CRTAC1: variants seen among roughly 807,000 people sequenced by gnomAD.
The protein encoded by CRTAC1 is acidic secreted protein in cartilage.
CRTAC1 carries 37 observed loss-of-function variants against 67.8 expected under a neutral mutation model. That is an observed-to-expected ratio of 0.55 (90% CI 0.42 to 0.72). The LOEUF is 0.72. Among genes scored for constraint, CRTAC1 ranks in the 30% least tolerant of loss-of-function variants. The pLI is 0.00. For synonymous variants in CRTAC1, 348 were observed against 371.0 expected (o/e 0.94, Z 0.71); for missense variants, 780 against 931.6 (o/e 0.84, Z 2.12).
rs374801951 is a variant in CRTAC1, at chr10:97,955,274, G to A, written c.225-18908C>T. 5.9e-5 allele frequency among the ~76,000 whole-genome samples: 9 copies of A among 152,362 alleles called. No homozygotes were observed. The East Asian group carries it at 9.6e-4, about 16-fold the overall frequency. ...GTCCTCAAGAACCCTGAGTAGAAGA[G>A]GGGGAGAAAGAGACGGGCTCTGGGC... On this transcript the variant is annotated intron_variant, in intron 2 of 14. Coordinates refer to ENST00000370597, the MANE Select transcript of CRTAC1 (RefSeq NM_018058.7).
chr10:97,942,403 T>A (rs2051189249), intron 2 of CRTAC1, among the ~76,000 whole-genome samples: 1 of 152,146 alleles, frequency 6.6e-6, no homozygotes, highest in Admixed American at 6.5e-5. Flanking sequence ...TTTCATCAAT[T>A]CCCAAAATAT....
At chr10:97,890,781 C>T (rs2050359414) in intron 11 of CRTAC1, among the ~76,000 whole-genome samples, 1 of 151,962 alleles carries the variant, frequency 6.6e-6, no homozygotes, top group Non-Finnish European at 1.5e-5. Context: ...GACTCTCCTG[C>T]CTCAGCCTCC....
rs1280400545 is a variant in CRTAC1 at position 97,865,641 on chromosome 10, G to A, written c.1893C>T (p.Ala631=). 1.2e-5 allele frequency: 20 copies of A among 1,612,130 alleles called. No homozygotes were observed. The highest frequency in any genetic ancestry group is 1.2e-4 in the African/African-American group (9 of 74,896). ...TAAAATAAAA[A]AAGAATAAPV... ...GTGCAGCAGTGGCAGCTCCAGCAGC[G>A]GCAGCAGCAGCGGCAGTGGCAGCAG... The change falls in exon 15 of 15, where the codon GCC becomes GCT. Residue 631 remains alanine, a synonymous_variant. Transcript: ENST00000370597.
intron 2 of CRTAC1, among the ~76,000 whole-genome samples, chr10:97,984,017 T>C (rs2147878): frequency 0.26 from 39,942 of 152,184 alleles, 5,539 homozygotes; most frequent in Non-Finnish European, 0.31. Flanking sequence ...ACATGTTCTC[T>C]TATTTTAGAT....
At chr10:97,943,198 A>G (rs1315795603) in intron 2 of CRTAC1, among the ~76,000 whole-genome samples, 1 of 152,258 alleles carries the variant, frequency 6.6e-6, no homozygotes, top group Non-Finnish European at 1.5e-5. Flanking sequence ...GACCAGAGAC[A>G]CATGGAATAT....
At chr10:97,971,835 A>G (rs993293057) in intron 2 of CRTAC1, among the ~76,000 whole-genome samples, 2 of 152,200 alleles carry the variant, frequency 1.3e-5, no homozygotes, top group East Asian at 3.8e-4. Flanking sequence ...CTTGAGGTGT[A>G]CATTTATCTG....
At chr10:98,028,375 C>A (rs776630357) in intron 1 of CRTAC1, among the ~76,000 whole-genome samples, 1 of 152,204 alleles carries the variant, frequency 6.6e-6, no homozygotes, top group Non-Finnish European at 1.5e-5. Context: ...CCCTACTGGA[C>A]ACCAAGGAGT....
At chr10:97,919,881 A>G (rs889482702) in intron 4 of CRTAC1, among the ~76,000 whole-genome samples, 4 of 149,662 alleles carry the variant, frequency 2.7e-5, no homozygotes, top group African/African-American at 9.9e-5. Flanking sequence ...CTGGGACTAC[A>G]GGTGTGCCCC....
At chr10:97,915,555 G>A (rs1037171087) in intron 5 of CRTAC1, among the ~76,000 whole-genome samples, 8 of 151,996 alleles carry the variant, frequency 5.3e-5, no homozygotes, top group South Asian at 2.1e-4. Flanking sequence ...CTGGCCACGC[G>A]CCCAAAGCCT....
intron 4 of CRTAC1, among the ~76,000 whole-genome samples, chr10:97,919,961 C>G (rs2050814564): frequency 6.6e-6 from 1 of 151,796 alleles, no homozygotes; most frequent in Non-Finnish European, 1.5e-5. Context: ...ATTGCTGAGG[C>G]TGGTCTTGAA....
chr10:98,022,882 G>A lies in CRTAC1; in HGVS notation c.24+7567C>T, dbSNP rs565556725. Among the ~76,000 whole-genome samples the A allele has an allele frequency of 2.6e-5, 4 of 152,278 alleles. No homozygotes were observed. In the East Asian group the frequency reaches 7.7e-4, roughly 29 times the overall value. ...ACAGAGAGGATTTGAACATCCTGGG[G>A]CCAGGGGTGGGGTAGGGCACTGGAT... is the stretch of plus-strand genomic sequence containing the variant. On this transcript the variant is annotated intron_variant, in intron 1 of 14. Transcript: ENST00000370597.
At chr10:97,979,838 G>A (rs1168615436) in intron 2 of CRTAC1, among the ~76,000 whole-genome samples, 1 of 152,164 alleles carries the variant, frequency 6.6e-6, no homozygotes, top group Non-Finnish European at 1.5e-5. Context: ...GGGCTGAGAA[G>A]CACTGCAGTA....
intron 2 of CRTAC1, among the ~76,000 whole-genome samples, chr10:97,939,494 C>A (rs1159461866): frequency 1.3e-5 from 2 of 152,160 alleles, no homozygotes; most frequent in Non-Finnish European, 2.9e-5. Flanking sequence ...CAAAGCCAGA[C>A]CAACAGCTCC....
chr10:97,875,306 G>C (rs183208505), intron 14 of CRTAC1, among the ~76,000 whole-genome samples: 2 of 152,218 alleles, frequency 1.3e-5, no homozygotes, highest in Non-Finnish European at 2.9e-5. Flanking sequence ...AGACATGGAT[G>C]TAAAGTTCTT....
At chr10:98,018,576 T>G (rs888112495) in intron 1 of CRTAC1, among the ~76,000 whole-genome samples, 1 of 152,144 alleles carries the variant, frequency 6.6e-6, no homozygotes, top group African/African-American at 2.4e-5. Flanking sequence ...GCCTGGAAAC[T>G]GGTAACCAAG....
chr10:97,942,611 A>G (rs1394541105), intron 2 of CRTAC1, among the ~76,000 whole-genome samples: 2 of 152,346 alleles, frequency 1.3e-5, no homozygotes, highest in Non-Finnish European at 1.5e-5. Context: ...GTGAGCACCT[A>G]TTATATACCA....
At chr10:97,979,674 C>T (rs1325868266) in intron 2 of CRTAC1, among the ~76,000 whole-genome samples, 1 of 152,178 alleles carries the variant, frequency 6.6e-6, no homozygotes, top group South Asian at 2.1e-4. Flanking sequence ...TGGTTCTCAG[C>T]CCTGGCTGCA....
At chr10:97,984,529 C>T (rs746807788) in intron 2 of CRTAC1, among the ~76,000 whole-genome samples, 62 of 152,284 alleles carry the variant, frequency 4.1e-4, no homozygotes, top group Non-Finnish European at 6.8e-4. Flanking sequence ...TAGCCAAGCT[C>T]GGTGAATAAC....
intron 11 of CRTAC1, among the ~76,000 whole-genome samples, chr10:97,892,352 C>T (rs925234043): frequency 1.3e-5 from 2 of 152,214 alleles, no homozygotes; most frequent in African/African-American, 4.8e-5. Context: ...GCCTCAATGT[C>T]CTTATTGGCA....
Sources: allele counts gnomAD v4.1 joint callset (sites outside exome capture counted in the v4.1 genomes callset), GRCh38; gene constraint gnomAD v4.1.1; transcripts MANE v1.5; gene names NCBI Gene and HGNC (gene_info 2026-07-23, HGNC 2026-07-21).